The following SOX5 variants were observed in gnomAD, a reference collection of about 807,000 sequenced individuals.
SOX5 encodes the protein transcription factor SOX-5.
Under a neutral mutation model 92.0 loss-of-function variants are expected in SOX5, and 9 were observed. The observed-to-expected ratio is 0.10, with a 90% CI of 0.06 to 0.17. The LOEUF (loss-of-function observed/expected upper bound fraction) is 0.17, where lower values mean the gene tolerates loss of function less well. Among genes scored for constraint, SOX5 ranks in the 10% least tolerant of loss-of-function variants. The probability of loss-of-function intolerance (pLI) is 1.00; values close to 1 mark genes in which losing one functional copy is unlikely to be tolerated. For missense variants in SOX5, 642 were observed against 944.5 expected (o/e 0.68, Z 4.20); for synonymous variants, 344 against 336.3 (o/e 1.02, Z -0.25).
chr12:23,788,038 A>G (rs1414272583), intron 3 of SOX5, among the ~76,000 whole-genome samples: 2 of 151,816 alleles, frequency 1.3e-5, no homozygotes, highest in African/African-American at 2.4e-5. Context: ...ATTATACTAG[A>G]TATAACAAAA....
intron 4 of SOX5, among the ~76,000 whole-genome samples, chr12:24,034,499 A>G (rs1054122611): frequency 6.6e-6 from 1 of 151,810 alleles, no homozygotes; most frequent in African/African-American, 2.4e-5. Flanking sequence ...AAGGAGAACC[A>G]ATAACTATTT....
chr12:23,942,936 A>T, intron 1 of SOX5, among the ~76,000 whole-genome samples: 1 of 152,092 alleles, frequency 6.6e-6, no homozygotes, highest in Non-Finnish European at 1.5e-5. Flanking sequence ...AAGAGCAGAA[A>T]TAGAAACGCT....
At chr12:24,460,563 A>G (rs948589020) in intron 1 of SOX5, 3 of 152,324 alleles carry the variant, frequency 2.0e-5, no homozygotes, top group East Asian at 1.9e-4. Flanking sequence ...TCAAACTACA[A>G]TGTTTTCCAG....
chr12:24,242,097 G>A (rs1452850742), intron 3 of SOX5, among the ~76,000 whole-genome samples: 1 of 152,172 alleles, frequency 6.6e-6, no homozygotes, highest in East Asian at 1.9e-4. Flanking sequence ...TTTTTTGTCT[G>A]TTTTGTAAAG....
chr12:24,335,580 T>C (rs497919), intron 2 of SOX5, among the ~76,000 whole-genome samples: 63,708 of 151,774 alleles, frequency 0.42, 13,870 homozygotes, highest in South Asian at 0.54. Flanking sequence ...CCCAGACAAT[T>C]TGGTTCCAGG....
intron 3 of SOX5, among the ~76,000 whole-genome samples, chr12:24,240,114 C>T (rs1965291660): frequency 1.3e-5 from 2 of 152,126 alleles, no homozygotes; most frequent in Admixed American, 6.5e-5. Context: ...ATAAAAACTA[C>T]AAGTAGTGGT....
At chr12:23,601,102 A>C (rs2074434763) in intron 9 of SOX5, among the ~76,000 whole-genome samples, 1 of 152,012 alleles carries the variant, frequency 6.6e-6, no homozygotes. Flanking sequence ...ATTTCTCAGC[A>C]TTATCCTTTC....
intron 4 of SOX5, among the ~76,000 whole-genome samples, chr12:23,964,885 T>C (rs10842246): frequency 0.47 from 72,164 of 152,172 alleles, 17,894 homozygotes; most frequent in African/African-American, 0.58. Context: ...AGATGACCCA[T>C]AATATCAAAA....
At position 24,271,781 on chromosome 12, in the gene SOX5, G is replaced by T. The variant is rs955931524; in HGVS notation, c.-77+5435C>A. 2.0e-5 allele frequency among the ~76,000 whole-genome samples: 3 copies of T among 152,114 alleles called. No homozygotes were observed. In the East Asian group the frequency reaches 5.8e-4, roughly 29 times the overall value. On this transcript the variant is annotated intron_variant, in intron 3 of 4. Transcript: ENST00000446891. The stretch of plus-strand genomic sequence containing the variant: ...TATTAGAAATAAAGTATCCATATTT[G>T]CAAGAGTCTGACTTCTCTATTGTCT...
At chr12:23,961,129 A>C (rs1297210185) in intron 4 of SOX5, among the ~76,000 whole-genome samples, 1 of 152,156 alleles carries the variant, frequency 6.6e-6, no homozygotes, top group African/African-American at 2.4e-5. Context: ...CATTTTTATT[A>C]TTAAAAAATT....
intron 1 of SOX5, among the ~76,000 whole-genome samples, chr12:23,916,354 T>C (rs1179226743): frequency 6.6e-6 from 1 of 152,064 alleles, no homozygotes; most frequent in African/African-American, 2.4e-5. Flanking sequence ...AGAAAATCAA[T>C]AGAAAATGTG....
chr12:24,359,296 T>C (rs1240810577), intron 2 of SOX5, among the ~76,000 whole-genome samples: 1 of 152,200 alleles, frequency 6.6e-6, no homozygotes, highest in Non-Finnish European at 1.5e-5. Context: ...ATTTTGATTA[T>C]GGTGCAGAGG....
chr12:24,351,648 C>T (rs981123964), intron 2 of SOX5, among the ~76,000 whole-genome samples: 4 of 152,112 alleles, frequency 2.6e-5, no homozygotes, highest in Non-Finnish European at 4.4e-5. Context: ...ACCCAGTTCA[C>T]GGCAGCCTAA....
chr12:24,065,912 T>G (rs1334970252), intron 4 of SOX5, among the ~76,000 whole-genome samples: 1 of 152,084 alleles, frequency 6.6e-6, no homozygotes, highest in Admixed American at 6.5e-5. Context: ...CTGAGTAGGG[T>G]GAGGACACAG....
At chr12:24,309,961 C>T (rs1172694847) in intron 2 of SOX5, among the ~76,000 whole-genome samples, 1 of 152,126 alleles carries the variant, frequency 6.6e-6, no homozygotes, top group Non-Finnish European at 1.5e-5. Flanking sequence ...TACTGCAACA[C>T]TTTCCCTACC....
At chr12:23,561,724 G>A (rs1276124226) in intron 11 of SOX5, among the ~76,000 whole-genome samples, 1 of 151,432 alleles carries the variant, frequency 6.6e-6, no homozygotes, top group Non-Finnish European at 1.5e-5. Flanking sequence ...CTGTCCAAAA[G>A]GATTTGGTCG....
At chr12:23,572,082 C>T (rs1290577981) in intron 10 of SOX5, among the ~76,000 whole-genome samples, 1 of 152,140 alleles carries the variant, frequency 6.6e-6, no homozygotes, top group African/African-American at 2.4e-5. Flanking sequence ...TTGGAGCTGC[C>T]TATCATTTGC....
chr12:23,567,097 G>A (rs1947246446), intron 10 of SOX5, among the ~76,000 whole-genome samples: 1 of 152,164 alleles, frequency 6.6e-6, no homozygotes, highest in Non-Finnish European at 1.5e-5. Flanking sequence ...TATTAACATG[G>A]CTTTGACTAT....
intron 3 of SOX5, among the ~76,000 whole-genome samples, chr12:24,220,040 GC>G (rs1484929385): frequency 6.6e-6 from 1 of 151,958 alleles, no homozygotes; most frequent in Non-Finnish European, 1.5e-5. Flanking sequence ...AATGTTAATA[GC>G]TTTTTTTTCC....
Sources: allele counts gnomAD v4.1 joint callset (sites outside exome capture counted in the v4.1 genomes callset), GRCh38; gene constraint gnomAD v4.1.1; transcripts MANE v1.5; gene names NCBI Gene and HGNC (gene_info 2026-07-23, HGNC 2026-07-21).